Variants in KAT14 observed in about 807,000 individuals in gnomAD.
The protein encoded by KAT14 is cysteine-rich protein 2-binding protein.
A neutral mutation model predicts 78.4 loss-of-function variants in KAT14; 66 were observed. The observed-to-expected ratio is 0.84, with a 90% CI of 0.69 to 1.03. The LOEUF (loss-of-function observed/expected upper bound fraction) is 1.03, where lower values mean the gene tolerates loss of function less well. Among genes scored for constraint, KAT14 ranks in the 50% least tolerant of loss-of-function variants. The pLI, the probability that KAT14 is intolerant of heterozygous loss-of-function variation, is 0.00. For synonymous variants in KAT14, 344 were observed against 359.4 expected, an observed-to-expected ratio of 0.96 and a Z score of 0.48; for missense variants, 870 against 972.5, an observed-to-expected ratio of 0.89 and a Z score of 1.40.
chr20:18,183,619 G>C (rs1262904057), intron 9 of KAT14: 23 of 842,512 alleles, frequency 2.7e-5, no homozygotes, highest in Non-Finnish European at 3.3e-5. Context: ...GGTAGCTTGG[G>C]CGTGTTTGGA....
chr20:18,156,910 G>A (rs1479562145), intron 4 of KAT14, among the ~76,000 whole-genome samples: 4 of 152,162 alleles, frequency 2.6e-5, no homozygotes, highest in African/African-American at 9.7e-5. Context: ...CTTTTGGGAG[G>A]ATACGATGAA....
At chr20:18,171,020 G>C (rs1396693189) in intron 7 of KAT14, among the ~76,000 whole-genome samples, 1 of 152,152 alleles carries the variant, frequency 6.6e-6, no homozygotes, top group Admixed American at 6.5e-5. Context: ...CTCTTTTTAA[G>C]GCTATTGCTA....
At chr20:18,176,706 G>A (rs1266811411) in intron 7 of KAT14, among the ~76,000 whole-genome samples, 1 of 152,206 alleles carries the variant, frequency 6.6e-6, no homozygotes, top group African/African-American at 2.4e-5. Context: ...GGTGGCTAAT[G>A]AGGCTACTGG....
chr20:18,181,889 G>T, intron 8 of KAT14, 43 bp downstream of exon 8: 1 of 1,606,550 alleles, frequency 6.2e-7, no homozygotes, highest in South Asian at 1.1e-5. Flanking sequence ...GTGTCATGAG[G>T]GATAATGATT....
At chr20:18,164,535 G>A (rs2038564692) in intron 7 of KAT14, among the ~76,000 whole-genome samples, 1 of 151,976 alleles carries the variant, frequency 6.6e-6, no homozygotes, top group East Asian at 1.9e-4. Flanking sequence ...CACTGGCTTA[G>A]GTATTGGCTT....
At chr20:18,185,661 T>C (rs1780052701) in intron 10 of KAT14, among the ~76,000 whole-genome samples, 1 of 152,186 alleles carries the variant, frequency 6.6e-6, no homozygotes, top group Non-Finnish European at 1.5e-5. Flanking sequence ...TCAAAAAACA[T>C]GCAAGGATTT....
chr20:18,187,638 G>T lies in KAT14; in HGVS notation c.*179G>T, dbSNP rs2039490930. 1.0e-6 allele frequency: 1 copy of T among 977,750 alleles called. No homozygotes were observed. Among genetic ancestry groups the T allele is most frequent in the East Asian group, 3.0e-5 (1 of 33,600 alleles). 60.6% of individuals were successfully genotyped at this position (977,750 alleles called of 1,614,324 possible). A position where few individuals can be genotyped will look rare whatever the true frequency, so the allele number is the denominator to read the frequency against. On this transcript the variant is annotated 3_prime_UTR_variant, in exon 11 of 11. Coordinates refer to ENST00000688188, the MANE Select transcript of KAT14 (RefSeq NM_001392073.1). The stretch of plus-strand genomic sequence containing the variant: ...GAAATGAGCAGTGAGCAGCCCTTTA[G>T]CAAAATCGCCCTCCAGTCCTTCCTG...
intron 7 of KAT14, among the ~76,000 whole-genome samples, chr20:18,170,938 G>A (rs916749160): frequency 6.6e-6 from 1 of 152,194 alleles, no homozygotes; most frequent in African/African-American, 2.4e-5. Flanking sequence ...TTTCATGCCT[G>A]CTAAAACAAC....
At chr20:18,157,151 C>A (rs1373457952) in intron 4 of KAT14, among the ~76,000 whole-genome samples, 2 of 152,114 alleles carry the variant, frequency 1.3e-5, no homozygotes, top group Non-Finnish European at 2.9e-5. Context: ...AAGTACGCAC[C>A]CGTTTTCGAC....
intron 4 of KAT14, among the ~76,000 whole-genome samples, chr20:18,155,856 A>C (rs2038207507): frequency 6.6e-6 from 1 of 152,190 alleles, no homozygotes; most frequent in Admixed American, 6.5e-5. Flanking sequence ...TAAAAATATA[A>C]TGATCATATG....
chr20:18,143,193 C>T, intron 2 of KAT14: 2 of 1,157,624 alleles, frequency 1.7e-6, no homozygotes, highest in Non-Finnish European at 2.1e-6. Context: ...AAAGAATTAG[C>T]CATATTTTTC....
intron 4 of KAT14, among the ~76,000 whole-genome samples, 177 bp from the exon 5 acceptor site, chr20:18,158,907 C>T (rs540558722): frequency 4.8e-4 from 73 of 152,250 alleles, no homozygotes; most frequent in African/African-American, 1.6e-3. Flanking sequence ...AAGTTGGTAG[C>T]GCCAGGGTTT....
chr20:18,154,683 T>A (rs1232524920), intron 4 of KAT14, among the ~76,000 whole-genome samples: 5 of 152,166 alleles, frequency 3.3e-5, no homozygotes, highest in African/African-American at 1.2e-4. Context: ...CTATCATATT[T>A]CATCAATTCT....
At chr20:18,169,523 C>T (rs2038774401) in intron 7 of KAT14, among the ~76,000 whole-genome samples, 1 of 152,158 alleles carries the variant, frequency 6.6e-6, no homozygotes. Flanking sequence ...CCATGAACCA[C>T]ACCCATATGA....
chr20:18,142,310 G>A lies in KAT14; in HGVS notation c.-351G>A. On this transcript the variant is annotated 5_prime_UTR_variant, in exon 2 of 11. Coordinates refer to ENST00000688188, the MANE Select transcript of KAT14 (RefSeq NM_001392073.1). ...GATTATTTTGACTGAGCAACTTGAAGCAGAAAGAGAGAAGATGTTATTGGC... is the reference window on the plus strand; with the variant it reads ...GATTATTTTGACTGAGCAACTTGAAACAGAAAGAGAGAAGATGTTATTGGC... 2.0e-6 allele frequency: 3 copies of A among 1,537,028 alleles called. No homozygotes were observed. Among genetic ancestry groups the A allele is most frequent in the Non-Finnish European group, 2.6e-6 (3 of 1,146,862 alleles).
rs1646053382 is a variant in KAT14, at chr20:18,138,330, G to T, written c.-454+279G>T. 8 of 1,129,400 alleles carry T rather than the reference G, an allele frequency of 7.1e-6. No individual in the cohort carries two copies. In the South Asian group the frequency reaches 2.1e-4, roughly 30 times the overall value. The allele number at this position is 1,129,400 out of a possible 1,614,324, so 70.0% of individuals were successfully genotyped here. A position where few individuals can be genotyped will look rare whatever the true frequency, so the allele number is the denominator to read the frequency against. ...CTCCGCGCTGAAGGGGCCTTGCTCCGCACAGGCACGGCACGCAAGCTTTTG... is the reference window on the plus strand; with the variant it reads ...CTCCGCGCTGAAGGGGCCTTGCTCCTCACAGGCACGGCACGCAAGCTTTTG... On this transcript the variant is annotated intron_variant, in intron 1 of 10. Coordinates refer to ENST00000688188, the MANE Select transcript of KAT14 (RefSeq NM_001392073.1).
chr20:18,154,249 A>G (rs763997728), intron 4 of KAT14, among the ~76,000 whole-genome samples: 7 of 152,192 alleles, frequency 4.6e-5, no homozygotes, highest in Non-Finnish European at 1.0e-4. Flanking sequence ...TTTAAGGTAC[A>G]CTTTTTTCAT....
intron 7 of KAT14, among the ~76,000 whole-genome samples, chr20:18,165,991 G>A (rs1269239344): frequency 1.3e-5 from 2 of 152,206 alleles, no homozygotes; most frequent in African/African-American, 4.8e-5. Context: ...GACGCCATAG[G>A]TTTAAAAGAT....
rs1371510604 is a variant in KAT14 at position 18,145,226 on chromosome 20, C to A, written c.260-7C>A. On this transcript the variant is annotated splice_polypyrimidine_tract_variant and splice_region_variant and intron_variant, in intron 2 of 10. Coordinates refer to ENST00000688188, the MANE Select transcript of KAT14 (RefSeq NM_001392073.1). ...ACCCATGATGTGACTTTTTGTTTTT[C>A]TCCTAGGTCAGCTGAGGGAACAGCT... The A allele has an allele frequency of 1.2e-6, 2 of 1,611,960 alleles. No homozygotes were observed. Among genetic ancestry groups the A allele is most frequent in the Non-Finnish European group, 1.7e-6 (2 of 1,179,380 alleles).
Sources: gnomAD v4.1 joint callset for allele counts (sites outside exome capture counted in the v4.1 genomes callset) on GRCh38, gnomAD v4.1.1 for gene constraint, MANE v1.5 for transcripts, NCBI Gene and HGNC (gene_info 2026-07-23, HGNC 2026-07-21) for gene names.